The following COL4A5 variants were observed in gnomAD, a reference collection of about 807,000 sequenced individuals.
The protein encoded by COL4A5 is collagen alpha-5(IV) chain.
Under a neutral mutation model 130.2 loss-of-function variants are expected in COL4A5, and 26 were observed. The ratio of observed to expected loss-of-function variants is 0.20; its 90% confidence interval spans 0.15 to 0.28. The LOEUF is 0.28. Among genes scored for constraint, COL4A5 ranks in the 10% least tolerant of loss-of-function variants. The probability of loss-of-function intolerance (pLI) is 1.00; values close to 1 mark genes in which losing one functional copy is unlikely to be tolerated. For missense variants in COL4A5, 1,131 were observed against 1,344.3 expected (o/e 0.84, Z 2.48); for synonymous variants, 496 against 439.6 (o/e 1.13, Z -1.60).
At chrX:108,514,848 G>C (rs941250253) in intron 1 of COL4A5, among the ~76,000 whole-genome samples, 2 of 111,412 alleles carry the variant, frequency 1.8e-5, no homozygotes, top group Non-Finnish European at 3.8e-5. Context: ...ATTGCATATT[G>C]CAGTTTGGAC....
chrX:108,544,343 C>T (rs965658627), intron 2 of COL4A5, among the ~76,000 whole-genome samples: 23 of 112,079 alleles, frequency 2.1e-4, no homozygotes, highest in Admixed American at 3.8e-4. Flanking sequence ...TGTCAAAGGC[C>T]TTTTCTGCAT....
In COL4A5 at chrX:108,500,706, A is replaced by G. The variant is rs372403632; in HGVS notation, c.82-39040A>G. ...ATGGATACTTTATTGGGTGCTTGTT[A>G]AATTATTAAATAGGTGACAACTTAG... On this transcript the variant is annotated intron_variant, in intron 1 of 52. Coordinates refer to ENST00000328300, the MANE Select transcript of COL4A5 (RefSeq NM_033380.3). Among the ~76,000 whole-genome samples, 9 of 112,207 alleles carry G rather than the reference A, an allele frequency of 8.0e-5. No homozygotes were observed. The East Asian group carries it at 2.5e-3, about 31-fold the overall frequency.
chrX:108,577,343 G>A, intron 10 of COL4A5, among the ~76,000 whole-genome samples: 1 of 93,022 alleles, frequency 1.1e-5, no homozygotes, highest in African/African-American at 4.1e-5. Context: ...TTGCACTCCA[G>A]CCTGGGCAAC....
In COL4A5 at chrX:108,582,892, T is replaced by G. The variant is rs1208369397; in HGVS notation, c.945T>G (p.Pro315=). The G allele has an allele frequency of 8.3e-7, 1 of 1,202,601 alleles. No individual in the cohort carries two copies. Among genetic ancestry groups the G allele is most frequent in the African/African-American group, 1.8e-5 (1 of 56,745 alleles). The change falls in exon 17 of 53, where the codon CCT becomes CCG. Residue 315 remains proline, a synonymous_variant. Coordinates refer to ENST00000328300, the MANE Select transcript of COL4A5 (RefSeq NM_033380.3). ...TCCTCTATGTTTTAAAGGGTTTGCC[T>G]GGTGATCCTGGTTACCCTGGTGAAC... The part of the protein sequence containing the change: ...ENGQPGIPGL[P]GDPGYPGEPG...
At chrX:108,653,216 T>G (rs1043887265) in intron 36 of COL4A5, among the ~76,000 whole-genome samples, 2 of 111,390 alleles carry the variant, frequency 1.8e-5, no homozygotes, top group Non-Finnish European at 3.8e-5. Flanking sequence ...AGTAGGGCCA[T>G]AAGAGTGATT....
At chrX:108,467,483 C>T (rs1286363920) in intron 1 of COL4A5, among the ~76,000 whole-genome samples, 1 of 111,398 alleles carries the variant, frequency 9.0e-6, no homozygotes, top group Non-Finnish European at 1.9e-5. Context: ...GTTCTTAGGG[C>T]CCCTTGCAAT....
intron 1 of COL4A5, among the ~76,000 whole-genome samples, chrX:108,531,100 A>G (rs1262987461): frequency 9.5e-6 from 1 of 105,082 alleles, no homozygotes; most frequent in Non-Finnish European, 1.9e-5. Flanking sequence ...TCAGTAAACT[A>G]TCTCAAGGAC....
chrX:108,463,626 C>G (rs1360695214), intron 1 of COL4A5, among the ~76,000 whole-genome samples: 1 of 111,822 alleles, frequency 8.9e-6, no homozygotes, highest in East Asian at 2.8e-4. Flanking sequence ...GCCTGTCGTG[C>G]CCATCCCCTT....
intron 1 of COL4A5, among the ~76,000 whole-genome samples, chrX:108,526,600 CTTTCTTTCTTTCTTTCTTTCTTT>C (rs2065317304): frequency 1.3e-4 from 3 of 23,303 alleles, no homozygotes; most frequent in African/African-American, 6.1e-4. Context: ...TCCCTCCTTT[CTTTCTTTCTTTCTTTCTTTCTTT>C]CTTTCTTTCT....
At chrX:108,591,840 T>C (rs1464279811) in intron 21 of COL4A5, among the ~76,000 whole-genome samples, 196 bp downstream of exon 21, 1 of 111,394 alleles carries the variant, frequency 9.0e-6, no homozygotes, top group Non-Finnish European at 1.9e-5. Flanking sequence ...CTCTTCTTTC[T>C]AGCTTACTAC....
intron 2 of COL4A5, among the ~76,000 whole-genome samples, chrX:108,550,243 C>T (rs1005364600): frequency 9.0e-6 from 1 of 111,642 alleles, no homozygotes; most frequent in African/African-American, 3.2e-5. Flanking sequence ...AAACGACAGA[C>T]TAGTATCCCT....
At chrX:108,668,226 C>T in intron 40 of COL4A5, 93 bp from the exon 41 acceptor site, 1 of 854,214 alleles carries the variant, frequency 1.2e-6, no homozygotes, top group South Asian at 2.2e-5. Flanking sequence ...TTGTGAATTC[C>T]ATTAATTGCC....
chrX:108,471,484 T>C (rs1161967269), intron 1 of COL4A5, among the ~76,000 whole-genome samples: 1 of 112,058 alleles, frequency 8.9e-6, no homozygotes, highest in African/African-American at 3.2e-5. Flanking sequence ...TTTTGTACCA[T>C]GATTTTGTAA....
In COL4A5 at chrX:108,586,600, T is replaced by C. The variant is rs1362358216; in HGVS notation, c.1033-15T>C. 14 of 1,191,506 alleles carry C rather than the reference T, an allele frequency of 1.2e-5. No homozygotes were observed. The highest frequency in any genetic ancestry group is 1.8e-5 in the African/African-American group (1 of 56,146). ...TCTTTGCATTTCTTTATTTTTTTTT[T>C]CTTTGGTAATAAAGGTAATTCCTAG... On this transcript the variant is annotated splice_polypyrimidine_tract_variant and intron_variant, in intron 18 of 52. Coordinates refer to ENST00000328300, the MANE Select transcript of COL4A5 (RefSeq NM_033380.3).
chrX:108,683,866 A>G (rs2068488337), intron 47 of COL4A5, among the ~76,000 whole-genome samples: 2 of 111,398 alleles, frequency 1.8e-5, no homozygotes, highest in Non-Finnish European at 1.9e-5. Flanking sequence ...CTCTTTTCCT[A>G]ATTGAATACC....
intron 1 of COL4A5, among the ~76,000 whole-genome samples, chrX:108,467,064 T>G (rs1237680586): frequency 1.8e-5 from 2 of 112,276 alleles, no homozygotes; most frequent in East Asian, 5.6e-4. Context: ...CTTTCTTGCT[T>G]ATGCTTTTGG....
rs2065509989 is a variant in COL4A5 at position 108,539,806 on chromosome X, G to A, written c.141+1G>A. On this transcript the variant is annotated splice_donor_variant, in intron 2 of 52. Coordinates refer to ENST00000328300, the MANE Select transcript of COL4A5 (RefSeq NM_033380.3). LOFTEE classifies it high-confidence loss of function. Reference sequence around the variant, plus strand: ...CTGCAGTGGCATAAAAGGGGAAAAGGTGAGGTCTTAGATTGGCATTTGAAA... The same window carrying A: ...CTGCAGTGGCATAAAAGGGGAAAAGATGAGGTCTTAGATTGGCATTTGAAA... The A allele has an allele frequency of 8.3e-7, 1 of 1,198,201 alleles. No homozygotes were observed. Among genetic ancestry groups the A allele is most frequent in the Non-Finnish European group, 1.1e-6 (1 of 883,348 alleles).
chrX:108,632,005 C>G (rs1352795120), intron 36 of COL4A5, among the ~76,000 whole-genome samples: 1 of 111,015 alleles, frequency 9.0e-6, no homozygotes, highest in Non-Finnish European at 1.9e-5. Flanking sequence ...AATAGAGACA[C>G]AAAAAACCCT....
intron 1 of COL4A5, among the ~76,000 whole-genome samples, chrX:108,471,876 C>T (rs747681299): frequency 2.6e-4 from 29 of 111,013 alleles, no homozygotes; most frequent in African/African-American, 9.5e-4. Context: ...CTTTTGCTAG[C>T]TTTGGGTTTA....
Sources: gnomAD v4.1 joint callset for allele counts (sites outside exome capture counted in the v4.1 genomes callset) on GRCh38, gnomAD v4.1.1 for gene constraint, MANE v1.5 for transcripts, NCBI Gene and HGNC (gene_info 2026-07-23, HGNC 2026-07-21) for gene names.